Variants in VMP1 observed in about 807,000 individuals in gnomAD.
The protein encoded by VMP1 is ectopic P-granules autophagy protein 3 homolog.
Under a neutral mutation model 56.0 loss-of-function variants are expected in VMP1, and 11 were observed. That is an observed-to-expected ratio of 0.20 (90% confidence interval 0.12 to 0.32). VMP1 has a LOEUF of 0.32. VMP1 is among the 10% of genes least tolerant of loss of function. VMP1 has a pLI of 1.00. For missense variants in VMP1, 296 were observed against 490.3 expected (o/e 0.60, Z 3.74); for synonymous variants, 149 against 165.0 (o/e 0.90, Z 0.74).
At chr17:59,735,284 A>G in intron 2 of VMP1, 54 bp from the exon 3 acceptor site, 1 of 1,590,306 alleles carries the variant, frequency 6.3e-7, no homozygotes, top group Non-Finnish European at 8.6e-7. Flanking sequence ...GATTGAAGAG[A>G]ATAAGCATAA....
intron 1 of VMP1, among the ~76,000 whole-genome samples, chr17:59,724,874 G>A (rs1466496829): frequency 6.6e-6 from 1 of 152,064 alleles, no homozygotes; most frequent in East Asian, 1.9e-4. Flanking sequence ...GCTGAGGCAG[G>A]AGAATGGCAT....
chr17:59,818,340 C>G (rs1479943915), intron 10 of VMP1, among the ~76,000 whole-genome samples: 1 of 152,000 alleles, frequency 6.6e-6, no homozygotes, highest in Non-Finnish European at 1.5e-5. Context: ...GCACTCCAGC[C>G]TGGGTGACAG....
chr17:59,729,382 C>T (rs1211984640), intron 1 of VMP1, among the ~76,000 whole-genome samples: 4 of 150,418 alleles, frequency 2.7e-5, no homozygotes, highest in Non-Finnish European at 5.9e-5. Context: ...ACCTGGGAGG[C>T]TGAGGCAGGA....
intron 6 of VMP1, among the ~76,000 whole-genome samples, chr17:59,768,596 C>A (rs2036314994): frequency 6.6e-6 from 1 of 151,924 alleles, no homozygotes; most frequent in Non-Finnish European, 1.5e-5. Flanking sequence ...GAGCAACTCT[C>A]CATCTCAAAG....
chr17:59,727,731 G>A (rs537135100), intron 1 of VMP1, among the ~76,000 whole-genome samples: 18 of 152,222 alleles, frequency 1.2e-4, no homozygotes, highest in Admixed American at 4.6e-4. Flanking sequence ...CATTTTGTAC[G>A]TTTATTACCT....
rs1026090045 is a variant in VMP1, at chr17:59,808,972, T to C, written c.795+96T>C. 20 of 1,005,390 alleles carry C rather than the reference T, an allele frequency of 2.0e-5. No individual in the cohort carries two copies. The Admixed American group carries it at 2.2e-4, about 11-fold the overall frequency. The allele number at this position is 1,005,390 out of a possible 1,614,324, so 62.3% of individuals were successfully genotyped here. ...GAATTAACAAAAGTGCTATCACTTT[T>C]ATTGGGTATGTAATTTTGTGAATCA... On this transcript the variant is annotated intron_variant, in intron 8 of 11. Transcript: ENST00000262291.
Position 59,811,812 on chromosome 17 carries a change from C to G in VMP1, c.912+26C>G, listed in dbSNP as rs767637310. The G allele has an allele frequency of 1.1e-5, 16 of 1,419,460 alleles. No individual in the cohort carries two copies. The African/African-American group carries it at 2.1e-4, about 19-fold the overall frequency. 87.9% of individuals were successfully genotyped at this position (1,419,460 alleles called of 1,614,324 possible). On this transcript the variant is annotated intron_variant, in intron 9 of 11. Coordinates refer to ENST00000262291, the MANE Select transcript of VMP1 (RefSeq NM_030938.5). ...GTAATTATACCCCCTGATTCACTGCCTAATGATGATGAACCCATTACAAGA... is the reference window on the plus strand; with the variant it reads ...GTAATTATACCCCCTGATTCACTGCGTAATGATGATGAACCCATTACAAGA...
chr17:59,824,805 G>A (rs1449323644), intron 10 of VMP1, among the ~76,000 whole-genome samples: 2 of 149,744 alleles, frequency 1.3e-5, no homozygotes, highest in African/African-American at 2.5e-5. Flanking sequence ...CCCAGGAGGT[G>A]GAAATTGTAG....
intron 4 of VMP1, among the ~76,000 whole-genome samples, chr17:59,737,791 ACAGAGTCTCGCTCTGT>A (rs1489496195): frequency 6.6e-6 from 1 of 151,706 alleles, no homozygotes; most frequent in African/African-American, 2.4e-5. Context: ...TTTTTTAAAG[ACAGAGTCTCGCTCTGT>A]CACCCAGGTT....
chr17:59,757,238 GAGATAGATAGATAGATAGATAGAT>G (rs72408206), intron 5 of VMP1, among the ~76,000 whole-genome samples: 8 of 146,788 alleles, frequency 5.5e-5, no homozygotes, highest in East Asian at 4.0e-4. Flanking sequence ...GATTAGGATG[GAGATAGATAGATAGATAGATAGAT>G]AGATAGATAG....
chr17:59,727,325 A>G (rs1487583545), intron 1 of VMP1, among the ~76,000 whole-genome samples: 2 of 151,752 alleles, frequency 1.3e-5, no homozygotes, highest in East Asian at 3.9e-4. Flanking sequence ...TAGTAGAGAC[A>G]GGCTTTCACC....
chr17:59,744,462 CAAAAA>C (rs60407542), intron 5 of VMP1, among the ~76,000 whole-genome samples: 2 of 53,870 alleles, frequency 3.7e-5, no homozygotes, highest in African/African-American at 1.3e-4. Context: ...AATTCCATCT[CAAAAA>C]AAAAAAAAAA....
chr17:59,761,354 A>G (rs2036047080), intron 5 of VMP1, among the ~76,000 whole-genome samples: 1 of 152,142 alleles, frequency 6.6e-6, no homozygotes, highest in Non-Finnish European at 1.5e-5. Flanking sequence ...ATATCTAGTA[A>G]TATTATATTG....
chr17:59,748,715 T>C (rs1425885578), intron 5 of VMP1, among the ~76,000 whole-genome samples: 1 of 152,176 alleles, frequency 6.6e-6, no homozygotes, highest in Non-Finnish European at 1.5e-5. Flanking sequence ...TCAATTTATA[T>C]GCTTTAGCTG....
At chr17:59,792,322 TGA>T (rs1352261931) in intron 7 of VMP1, among the ~76,000 whole-genome samples, 2 of 152,174 alleles carry the variant, frequency 1.3e-5, no homozygotes, top group Non-Finnish European at 2.9e-5. Context: ...ATGTCACTGT[TGA>T]CATTTCCCAT....
At chr17:59,789,346 C>G (rs754057018) in intron 7 of VMP1, among the ~76,000 whole-genome samples, 5 of 150,964 alleles carry the variant, frequency 3.3e-5, no homozygotes, top group African/African-American at 4.9e-5. Context: ...ACCAGTCTGG[C>G]CAATATGGTG....
At chr17:59,817,982 C>T (rs2038305381) in intron 10 of VMP1, among the ~76,000 whole-genome samples, 1 of 151,804 alleles carries the variant, frequency 6.6e-6, no homozygotes, top group Admixed American at 6.6e-5. Flanking sequence ...TAATTGTAAA[C>T]CAAACATCTA....
At chr17:59,726,709 A>G (rs1263599429) in intron 1 of VMP1, among the ~76,000 whole-genome samples, 2 of 152,160 alleles carry the variant, frequency 1.3e-5, no homozygotes, top group African/African-American at 4.8e-5. Flanking sequence ...TCCTCAGTTG[A>G]TTTTTTTATT....
intron 10 of VMP1, among the ~76,000 whole-genome samples, chr17:59,831,969 C>T (rs2038822035): frequency 6.6e-6 from 1 of 151,906 alleles, no homozygotes; most frequent in African/African-American, 2.4e-5. Flanking sequence ...GCCTCCATCC[C>T]AACTCCTGGG....
Sources: gnomAD v4.1 joint callset for allele counts (sites outside exome capture counted in the v4.1 genomes callset) on GRCh38, gnomAD v4.1.1 for gene constraint, MANE v1.5 for transcripts, NCBI Gene and HGNC (gene_info 2026-07-23, HGNC 2026-07-21) for gene names.